Variants in PDPK1 observed in about 807,000 individuals in gnomAD.
PDPK1 encodes the protein 3-phosphoinositide-dependent protein kinase 1.
A neutral mutation model predicts 39.8 loss-of-function variants in PDPK1; 7 were observed. That is an observed-to-expected ratio of 0.18 (90% confidence interval 0.10 to 0.33). PDPK1 has a LOEUF of 0.33. Among genes scored for constraint, PDPK1 ranks in the 10% least tolerant of loss-of-function variants. PDPK1 has a pLI of 1.00. For missense variants in PDPK1, 182 were observed against 384.7 expected, an observed-to-expected ratio of 0.47 and a Z score of 4.41; for synonymous variants, 118 against 159.1, an observed-to-expected ratio of 0.74 and a Z score of 1.95.
chr16:2,593,419 C>T lies in PDPK1; in HGVS notation c.1344-2374C>T, dbSNP rs1277128249. 1 of 320,414 alleles carries T rather than the reference C, an allele frequency of 3.1e-6. No individual in the cohort carries two copies. Among genetic ancestry groups the T allele is most frequent in the African/African-American group, 2.2e-5 (1 of 45,004 alleles). The allele number at this position is 320,414 out of a possible 1,614,324, so 19.8% of individuals were successfully genotyped here. ...TTTTTTAGGTGGAGGTGGTTTCGTC[C>T]TCTTTCCGTGGCTCCCACAGCTCAG... On this transcript the variant is annotated intron_variant, in intron 11 of 13. Transcript: ENST00000342085. The surrounding 1 kb of genome is among the most constrained non-coding windows in gnomAD (Gnocchi z 4.2).
chr16:2,597,124 G>T lies in PDPK1; in HGVS notation c.1403G>T (p.Gly468Val). 1 of 1,558,914 alleles carries T rather than the reference G, an allele frequency of 6.4e-7. No homozygotes were observed. The highest frequency in any genetic ancestry group is 8.7e-7 in the Non-Finnish European group (1 of 1,144,390). Residue 468 changes from glycine (G) to valine (V), a missense_variant and splice_region_variant, in exon 13 of 14, where the codon GGT (glycine) becomes GTT (valine). By Grantham distance (109) the Gly-to-Val change is moderately radical. Coordinates refer to ENST00000342085, the MANE Select transcript of PDPK1 (RefSeq NM_002613.5). The surrounding 1 kb of genome is among the most constrained non-coding windows in gnomAD (Gnocchi z 6.3). ...TGTTGTTTTGTGTTTTGGCGTCAGGGTTTATTTGCAAGACGACGACAGCTG... is the reference window on the plus strand; with the variant it reads ...TGTTGTTTTGTGTTTTGGCGTCAGGTTTTATTTGCAAGACGACGACAGCTG... The part of the protein sequence containing the change: ...LKMGPVDKRK[G>V]LFARRRQLLL...
At position 2,558,585 on chromosome 16, in the gene PDPK1, C is replaced by G. The variant is rs538164606; in HGVS notation, c.285+622C>G. 3.3e-3 allele frequency among the ~76,000 whole-genome samples: 491 copies of G among 149,546 alleles called. 1 individual carries two copies. Among genetic ancestry groups the G allele is most frequent in the Middle Eastern group, 0.017 (5 of 292 alleles). The stretch of plus-strand genomic sequence containing the variant: ...GCAAAGAAATGAAGGTCGAAAGCAG[C>G]TGACATGGGACGTTTTGCTGACGTG... On this transcript the variant is annotated intron_variant, in intron 2 of 13. Coordinates refer to ENST00000342085, the MANE Select transcript of PDPK1 (RefSeq NM_002613.5).
rs563611183 is a variant in PDPK1 at position 2,598,131 on chromosome 16, G to T, written c.*364G>T. On this transcript the variant is annotated 3_prime_UTR_variant, in exon 14 of 14. Transcript: ENST00000342085. The stretch of plus-strand genomic sequence containing the variant: ...TTCCTAGCATCAGTCCGAACCATGC[G>T]CCCGCCCTGCCCCAACTGTGTGCTG... The T allele has an allele frequency of 1.4e-4, 40 of 287,224 alleles. No individual in the cohort carries two copies. Among genetic ancestry groups the T allele is most frequent in the African/African-American group, 7.7e-4 (36 of 46,868 alleles). 17.8% of individuals were successfully genotyped at this position (287,224 alleles called of 1,614,324 possible).
chr16:2,592,815 T>C (rs896540995), intron 11 of PDPK1: 1 of 456,356 alleles, frequency 2.2e-6, no homozygotes, highest in South Asian at 1.5e-5. Flanking sequence ...TCTCTGTCCA[T>C]GCACCCTGGG....
chr16:2,573,692 G>C (rs1051484736), intron 6 of PDPK1, among the ~76,000 whole-genome samples: 1 of 107,026 alleles, frequency 9.3e-6, no homozygotes, highest in Non-Finnish European at 1.8e-5. Context: ...ACCTCAGACC[G>C]CTGCACTCCA....
chr16:2,538,758 A>T, intron 1 of PDPK1: 1 of 1,285,820 alleles, frequency 7.8e-7, no homozygotes, highest in South Asian at 1.2e-5. Context: ...CCGAGGGGAA[A>T]GTGAGCTTGA....
rs950321020 is a variant in PDPK1 at position 2,593,967 on chromosome 16, C to G, written c.1344-1826C>G. Reference sequence around the variant, plus strand: ...TCCCTGGTGCGAGAGGAGGGCTGCACTTGCCCGCATGCCACACACTCCTCT... The same window carrying G: ...TCCCTGGTGCGAGAGGAGGGCTGCAGTTGCCCGCATGCCACACACTCCTCT... On this transcript the variant is annotated intron_variant, in intron 11 of 13. Transcript: ENST00000342085. This position sits in a 1 kb window ranked among gnomAD's most constrained non-coding sequence, Gnocchi z 4.2. 3 of 152,322 alleles carry G rather than the reference C, an allele frequency of 2.0e-5. No individual in the cohort carries two copies. The highest frequency in any genetic ancestry group is 7.2e-5 in the African/African-American group (3 of 41,472). The allele number at this position is 152,322 out of a possible 1,614,324, so 9.4% of individuals were successfully genotyped here.
intron 11 of PDPK1, 28 bp from the exon 12 acceptor site, chr16:2,595,765 A>G (rs1223169431): frequency 1.3e-6 from 2 of 1,565,516 alleles, no homozygotes; most frequent in African/African-American, 1.4e-5. Context: ...TTGTCATGGG[A>G]GCATCTCTTT....
At position 2,597,738 on chromosome 16, in the gene PDPK1, C is replaced by G; in HGVS notation, c.1642C>G (p.Gln548Glu). 1.2e-6 allele frequency: 2 copies of G among 1,612,972 alleles called. No homozygotes were observed. Among genetic ancestry groups the G allele is most frequent in the African/African-American group, 1.3e-5 (1 of 75,022 alleles). The stretch of plus-strand genomic sequence containing the variant: ...CCAGGAGGTTTGGAGGCAGCGATAC[C>G]AGAGCCACCCGGACGCCGCTGTGCA... ...KIQEVWRQRY[Q>E]SHPDAAVQ The change falls in exon 14 of 14, where the codon CAG (glutamine) becomes GAG (glutamate). Residue 548 changes from glutamine (Q) to glutamate (E), a missense_variant. By Grantham distance (29) the Gln-to-Glu change is conservative. Around this residue, in one of 5 missense-constraint regions of PDPK1, gnomAD observed 67 missense variants for 87.8 expected, o/e 0.76. Transcript: ENST00000342085. This position sits in a 1 kb window ranked among gnomAD's most constrained non-coding sequence, Gnocchi z 6.3.
intron 2 of PDPK1, among the ~76,000 whole-genome samples, chr16:2,559,569 T>G (rs1357213539): frequency 6.7e-6 from 1 of 149,770 alleles, no homozygotes; most frequent in Non-Finnish European, 1.5e-5. Context: ...ATGTATGTAT[T>G]TATCCTTTTA....
intron 1 of PDPK1, among the ~76,000 whole-genome samples, chr16:2,542,248 C>T (rs1223560044): frequency 6.6e-6 from 1 of 152,208 alleles, no homozygotes; most frequent in Admixed American, 6.5e-5. Context: ...CAACCTCCGC[C>T]TCATGGGTTC....
chr16:2,544,623 G>T (rs1034731958), intron 1 of PDPK1, among the ~76,000 whole-genome samples: 1 of 151,142 alleles, frequency 6.6e-6, no homozygotes, highest in African/African-American at 2.4e-5. Context: ...TCGCTCTGTC[G>T]CCCAAGTTGG....
At chr16:2,590,602 A>G (rs1037880368) in intron 11 of PDPK1, among the ~76,000 whole-genome samples, 2 of 152,252 alleles carry the variant, frequency 1.3e-5, no homozygotes, top group African/African-American at 4.8e-5. Flanking sequence ...AACCGCCGTT[A>G]TGCAGACTTA....
intron 11 of PDPK1, chr16:2,594,652 G>A (rs1245671509): frequency 1.3e-5 from 2 of 152,126 alleles, no homozygotes; most frequent in Non-Finnish European, 2.9e-5. Flanking sequence ...GTAACTGTTA[G>A]CTTTAACCAC....
At chr16:2,588,428 G>C (rs989641570) in intron 11 of PDPK1, among the ~76,000 whole-genome samples, 2 of 152,202 alleles carry the variant, frequency 1.3e-5, no homozygotes, top group East Asian at 3.9e-4. Flanking sequence ...GCCACTCCAA[G>C]TACTTGGCCA....
chr16:2,599,814 G>T lies in PDPK1; in HGVS notation c.*2047G>T, dbSNP rs1208522199. On this transcript the variant is annotated 3_prime_UTR_variant, in exon 14 of 14. Coordinates refer to ENST00000342085, the MANE Select transcript of PDPK1 (RefSeq NM_002613.5). ...GCGTCTGGTTATAGGGAAACAAGTG[G>T]AGCAGGGACGTGGCTTTAATTGGAG... is the stretch of plus-strand genomic sequence containing the variant. 6 of 233,952 alleles carry T rather than the reference G, an allele frequency of 2.6e-5. No individual in the cohort carries two copies. The highest frequency in any genetic ancestry group is 4.2e-5 in the Non-Finnish European group (5 of 118,520). 14.5% of individuals were successfully genotyped at this position (233,952 alleles called of 1,614,324 possible).
rs538103841 is a variant in PDPK1 at position 2,597,338 on chromosome 16, A to G, written c.1554+63A>G. ...TGGGAGGGCTTTGCACCACGTGGGA[A>G]GCAGCCACAGGCCTTGGCCAGAGGG... On this transcript the variant is annotated intron_variant, in intron 13 of 13. Transcript: ENST00000342085. The surrounding 1 kb of genome is among the most constrained non-coding windows in gnomAD (Gnocchi z 6.3). 3.9e-4 allele frequency: 550 copies of G among 1,421,080 alleles called. No homozygotes were observed. In the African/African-American group the frequency reaches 5.6e-3, roughly 15 times the overall value. 88.0% of individuals were successfully genotyped at this position (1,421,080 alleles called of 1,614,324 possible). A position where few individuals can be genotyped will look rare whatever the true frequency, so the allele number is the denominator to read the frequency against.
At chr16:2,589,555 C>T (rs2066945710) in intron 11 of PDPK1, among the ~76,000 whole-genome samples, 2 of 151,990 alleles carry the variant, frequency 1.3e-5, no homozygotes, top group African/African-American at 4.8e-5. Flanking sequence ...AGGCATGGTG[C>T]TGCACACCTG....
At position 2,593,783 on chromosome 16, in the gene PDPK1, G is replaced by C. The variant is rs565768779; in HGVS notation, c.1344-2010G>C. 9.8e-5 allele frequency: 15 copies of C among 152,904 alleles called. No homozygotes were observed. The highest frequency in any genetic ancestry group is 3.4e-4 in the African/African-American group (14 of 41,588). The allele number at this position is 152,904 out of a possible 1,614,324, so 9.5% of individuals were successfully genotyped here. On this transcript the variant is annotated intron_variant, in intron 11 of 13. Coordinates refer to ENST00000342085, the MANE Select transcript of PDPK1 (RefSeq NM_002613.5). The surrounding 1 kb of genome is among the most constrained non-coding windows in gnomAD (Gnocchi z 4.2). ...TGCCTGGTCACAGGCCTGTCTGTCA[G>C]AGTGGCTTCCTGCCGGCTCTGTGGT...
Sources: allele counts gnomAD v4.1 joint callset (sites outside exome capture counted in the v4.1 genomes callset), GRCh38; gene constraint gnomAD v4.1.1; regional missense constraint gnomAD v4.1.1; non-coding constraint Gnocchi (gnomAD v3.1); transcripts MANE v1.5; gene names NCBI Gene and HGNC (gene_info 2026-07-23, HGNC 2026-07-21).